The following RASSF3 variants were observed in gnomAD, a reference collection of about 807,000 sequenced individuals.
RASSF3 encodes the protein ras association domain-containing protein 3.
Under a neutral mutation model 19.9 loss-of-function variants are expected in RASSF3, and 19 were observed. The observed-to-expected ratio is 0.96, with a 90% CI of 0.67 to 1.40. RASSF3 has a LOEUF of 1.40. Among genes scored for constraint, RASSF3 ranks in the 40% most tolerant of loss-of-function variants. The pLI is 0.00. For missense variants in RASSF3, 306 were observed against 289.8 expected (o/e 1.06, Z -0.41); for synonymous variants, 110 against 104.2 (o/e 1.06, Z -0.34).
downstream of RASSF3, among the ~76,000 whole-genome samples, chr12:64,543,445 CCCGCCCG>C (rs1175568251): frequency 1.3e-3 from 61 of 47,720 alleles, no homozygotes; most frequent in East Asian, 0.015. Context: ...CCCCCCCGTG[CCCGCCCG>C]CCCCCCGCTC....
chr12:64,643,991 T>C (rs974766402), intron 1 of RASSF3, among the ~76,000 whole-genome samples: 1 of 151,936 alleles, frequency 6.6e-6, no homozygotes, highest in African/African-American at 2.4e-5. Context: ...TTGTTAATCT[T>C]ATTGTGGTAT....
chr12:64,633,796 A>C (rs557696764), intron 1 of RASSF3, among the ~76,000 whole-genome samples: 3 of 152,136 alleles, frequency 2.0e-5, no homozygotes, highest in Non-Finnish European at 4.4e-5. Context: ...AGACAAGGGA[A>C]AGTTTTGGAA....
At chr12:64,595,768 G>A (rs1283852185) in intron 2 of RASSF3, among the ~76,000 whole-genome samples, 1 of 152,100 alleles carries the variant, frequency 6.6e-6, no homozygotes, top group East Asian at 1.9e-4. Flanking sequence ...CAAAATGAGG[G>A]TTTCAGAAGC....
rs7304241 is a variant in RASSF3, at chr12:64,598,802, A to G, written c.294+57097A>G. Among the ~76,000 whole-genome samples the G allele has an allele frequency of 2.5e-3, 377 of 151,884 alleles. 2 individuals carry two copies. The highest frequency in any genetic ancestry group is 8.6e-3 in the African/African-American group (355 of 41,394). On this transcript the variant is annotated intron_variant, in intron 2 of 5. Coordinates refer to the RASSF3 transcript ENST00000637125. Reference sequence around the variant, plus strand: ...TGTGCACAACGTGCAGGTTTGTTACATATGTATACGTGTACCACGTTGGTG... The same window carrying G: ...TGTGCACAACGTGCAGGTTTGTTACGTATGTATACGTGTACCACGTTGGTG...
chr12:64,602,760 G>A (rs1042360384), intron 2 of RASSF3, among the ~76,000 whole-genome samples: 1 of 151,894 alleles, frequency 6.6e-6, no homozygotes, highest in Admixed American at 6.6e-5. Context: ...AAAACAGAAA[G>A]CCTCACAACT....
At chr12:64,579,320 AG>A (rs1164378015) in intron 2 of RASSF3, among the ~76,000 whole-genome samples, 1 of 126,894 alleles carries the variant, frequency 7.9e-6, no homozygotes, top group East Asian at 2.1e-4. Flanking sequence ...ATTTGGGGGA[AG>A]GGAATTATTA....
intron 1 of RASSF3, among the ~76,000 whole-genome samples, chr12:64,612,502 A>G (rs924830105): frequency 3.3e-5 from 4 of 120,100 alleles, no homozygotes; most frequent in African/African-American, 1.3e-4. Context: ...TTTTTTTGAG[A>G]TGGAGTCTCA....
At chr12:64,529,761 C>T (rs1030220651), upstream of RASSF3, among the ~76,000 whole-genome samples, 2 of 152,106 alleles carry the variant, frequency 1.3e-5, no homozygotes, top group African/African-American at 4.8e-5. Context: ...AAAATACTCT[C>T]ATCAATAAAA....
intron 1 of RASSF3, among the ~76,000 whole-genome samples, chr12:64,525,572 A>G (rs1452846430): frequency 6.6e-6 from 1 of 152,000 alleles, no homozygotes. Context: ...GCATTCTCCC[A>G]CTTCATTTTC....
At chr12:64,611,827 A>T (rs1870376585) in intron 1 of RASSF3, among the ~76,000 whole-genome samples, 1 of 152,110 alleles carries the variant, frequency 6.6e-6, no homozygotes, top group African/African-American at 2.4e-5. Flanking sequence ...CAGACCTCTT[A>T]AGTTTAGCCA....
chr12:64,606,817 A>T (rs1220647896), upstream of RASSF3, among the ~76,000 whole-genome samples: 1 of 152,186 alleles, frequency 6.6e-6, no homozygotes, highest in Non-Finnish European at 1.5e-5. Flanking sequence ...TGCGTCTCAA[A>T]AAAACAAAAC....
At chr12:64,691,966 C>T (rs1020530083) in intron 4 of RASSF3, among the ~76,000 whole-genome samples, 2 of 152,162 alleles carry the variant, frequency 1.3e-5, no homozygotes, top group Non-Finnish European at 2.9e-5. Flanking sequence ...ACAAAAGTCT[C>T]CAGGCTAATT....
downstream of RASSF3, among the ~76,000 whole-genome samples, chr12:64,545,434 AATG>A (rs1869036944): frequency 1.3e-5 from 2 of 152,330 alleles, no homozygotes; most frequent in Admixed American, 1.3e-4. Context: ...AATTTTAGAA[AATG>A]ATGAAGTATT....
intron 1 of RASSF3, among the ~76,000 whole-genome samples, chr12:64,647,908 T>G (rs1871798875): frequency 6.6e-6 from 1 of 152,134 alleles, no homozygotes; most frequent in Non-Finnish European, 1.5e-5. Context: ...GAGAAATAGG[T>G]CCAACCTTCA....
At chr12:64,530,247 C>T (rs1358520018), upstream of RASSF3, among the ~76,000 whole-genome samples, 2 of 151,970 alleles carry the variant, frequency 1.3e-5, no homozygotes, top group Non-Finnish European at 2.9e-5. Flanking sequence ...TATAATTATC[C>T]ATATTGCATG....
intron 2 of RASSF3, among the ~76,000 whole-genome samples, chr12:64,566,484 A>T (rs1392753468): frequency 6.6e-6 from 1 of 152,214 alleles, no homozygotes; most frequent in Admixed American, 6.5e-5. Context: ...AAGTATATCA[A>T]ACAGACCTGG....
chr12:64,539,895 T>C (rs559088854), intron 1 of RASSF3, among the ~76,000 whole-genome samples: 26 of 152,216 alleles, frequency 1.7e-4, no homozygotes, highest in Non-Finnish European at 3.1e-4. Flanking sequence ...TCAGTTAATA[T>C]ACTTTATTAT....
intron 1 of RASSF3, chr12:64,622,563 C>G (rs759034453): frequency 2.0e-6 from 1 of 510,046 alleles, no homozygotes; most frequent in Non-Finnish European, 3.9e-6. Context: ...CCATTACTTT[C>G]AGTAGCAAAA....
chr12:64,629,148 G>A (rs1021902658), intron 1 of RASSF3, among the ~76,000 whole-genome samples: 4 of 151,516 alleles, frequency 2.6e-5, no homozygotes, highest in Non-Finnish European at 5.9e-5. Context: ...TGTCGTCCAG[G>A]CTGGAGTACA....
Sources: gnomAD v4.1 joint callset for allele counts (sites outside exome capture counted in the v4.1 genomes callset) on GRCh38, gnomAD v4.1.1 for gene constraint, MANE v1.5 for transcripts, NCBI Gene and HGNC (gene_info 2026-07-23, HGNC 2026-07-21) for gene names.